Variants in KSR1 observed in about 807,000 individuals in gnomAD.
The protein encoded by KSR1 is kinase suppressor of ras.
Under a neutral mutation model 92.9 loss-of-function variants are expected in KSR1, and 35 were observed. The ratio of observed to expected loss-of-function variants is 0.38; its 90% CI spans 0.29 to 0.50. The LOEUF (loss-of-function observed/expected upper bound fraction) is 0.50, where lower values mean the gene tolerates loss of function less well. Among genes scored for constraint, KSR1 ranks in the 20% least tolerant of loss-of-function variants. The pLI is 0.94. For missense variants in KSR1, 972 were observed against 1,158.5 expected (o/e 0.84, Z 2.34); for synonymous variants, 467 against 472.6 (o/e 0.99, Z 0.15).
intron 18 of KSR1, among the ~76,000 whole-genome samples, chr17:27,616,010 C>T (rs919634211): frequency 1.3e-5 from 2 of 152,194 alleles, no homozygotes; most frequent in African/African-American, 4.8e-5. Context: ...CTATCTTACT[C>T]TTTCTGGAAG....
At chr17:27,484,747 G>C (rs950176747) in intron 1 of KSR1, among the ~76,000 whole-genome samples, 8 of 152,202 alleles carry the variant, frequency 5.3e-5, no homozygotes, top group Non-Finnish European at 1.2e-4. Context: ...TAGGGGTCAG[G>C]ATCTGCCTCT....
intron 1 of KSR1, among the ~76,000 whole-genome samples, chr17:27,475,470 G>A (rs989449664): frequency 6.6e-6 from 1 of 152,170 alleles, no homozygotes; most frequent in African/African-American, 2.4e-5. Flanking sequence ...GTGACAGAGC[G>A]CTGGCCCGGG....
chr17:27,521,014 G>C lies in KSR1; in HGVS notation c.232-29554G>C, dbSNP rs561013008. On this transcript the variant is annotated intron_variant, in intron 1 of 20. Coordinates refer to ENST00000644974, the MANE Select transcript of KSR1 (RefSeq NM_001394583.1). ...TTGGGCAGTCTGTGGAATGGGGCCC[G>C]GTCCTCAAGCACTTGTGGCTGTCAC... Among the ~76,000 whole-genome samples, 7 of 152,332 alleles carry C rather than the reference G, an allele frequency of 4.6e-5. No homozygotes were observed. In the South Asian group the frequency reaches 1.5e-3, roughly 32 times the overall value.
intron 5 of KSR1, 161 bp from the exon 6 acceptor site, chr17:27,588,314 C>G (rs1282330242): frequency 3.8e-6 from 2 of 527,830 alleles, no homozygotes; most frequent in African/African-American, 3.9e-5. Flanking sequence ...ACTGGGCTAG[C>G]CTGGCCTGCT....
intron 1 of KSR1, among the ~76,000 whole-genome samples, chr17:27,538,761 T>G (rs1048002730): frequency 1.3e-5 from 2 of 152,304 alleles, no homozygotes; most frequent in South Asian, 4.1e-4. Context: ...CCACAGGGTG[T>G]GGCGGTTCGG....
chr17:27,504,691 TC>T (rs1211741396), intron 1 of KSR1, among the ~76,000 whole-genome samples: 1 of 152,124 alleles, frequency 6.6e-6, no homozygotes, highest in Non-Finnish European at 1.5e-5. Flanking sequence ...TGAGAGGACA[TC>T]CCTGCCGCCA....
At chr17:27,500,378 G>A (rs2069135069) in intron 1 of KSR1, among the ~76,000 whole-genome samples, 1 of 152,152 alleles carries the variant, frequency 6.6e-6, no homozygotes. Flanking sequence ...AGTACTGACG[G>A]GATAGTGTAG....
intron 19 of KSR1, 89 bp downstream of exon 19, chr17:27,617,517 C>A: frequency 6.8e-7 from 1 of 1,464,308 alleles, no homozygotes; most frequent in Non-Finnish European, 9.2e-7. Flanking sequence ...TCTTTCTGCC[C>A]AAGACTTTGT....
At chr17:27,485,774 C>T (rs1445469888) in intron 1 of KSR1, among the ~76,000 whole-genome samples, 1 of 152,130 alleles carries the variant, frequency 6.6e-6, no homozygotes, top group Non-Finnish European at 1.5e-5. Flanking sequence ...TTGGAGCCAG[C>T]CAGACCTCAC....
chr17:27,530,321 A>T (rs1159663978), intron 1 of KSR1, among the ~76,000 whole-genome samples: 1 of 152,040 alleles, frequency 6.6e-6, no homozygotes, highest in Non-Finnish European at 1.5e-5. Flanking sequence ...TGTGTGTGGC[A>T]GTGGTCCCGG....
At chr17:27,532,910 G>A (rs1448843214) in intron 1 of KSR1, among the ~76,000 whole-genome samples, 1 of 152,186 alleles carries the variant, frequency 6.6e-6, no homozygotes, top group Non-Finnish European at 1.5e-5. Flanking sequence ...AAGCCTGGAG[G>A]GGCAGCGTGG....
intron 1 of KSR1, among the ~76,000 whole-genome samples, chr17:27,536,508 G>T (rs1307115493): frequency 6.6e-6 from 1 of 152,282 alleles, no homozygotes; most frequent in Non-Finnish European, 1.5e-5. Context: ...TTATCCACAC[G>T]CACTTCAGTC....
Position 27,591,132 on chromosome 17 carries a change from G to A in KSR1, c.1130+238G>A, listed in dbSNP as rs73983482. ...GAAAAGAGAATTCCAGGCCATGGGT[G>A]CATCTTGTACTAAGGCCTGGAGGAA... On this transcript the variant is annotated intron_variant, in intron 7 of 20. Transcript: ENST00000644974. Among the ~76,000 whole-genome samples, 189 of 152,328 alleles carry A rather than the reference G, an allele frequency of 1.2e-3. 1 individual carries two copies. The highest frequency in any genetic ancestry group is 4.3e-3 in the African/African-American group (178 of 41,570).
At chr17:27,593,501 G>A (rs906530648) in intron 9 of KSR1, among the ~76,000 whole-genome samples, 7 of 152,366 alleles carry the variant, frequency 4.6e-5, no homozygotes, top group Admixed American at 1.3e-4. Flanking sequence ...GGCTCAGGCC[G>A]GAAGAGAAAG....
At chr17:27,553,053 C>T (rs762820074) in intron 2 of KSR1, among the ~76,000 whole-genome samples, 27 of 152,290 alleles carry the variant, frequency 1.8e-4, no homozygotes, top group African/African-American at 4.3e-4. Context: ...GTGAGTCCTC[C>T]GTCTCAACCA....
intron 1 of KSR1, among the ~76,000 whole-genome samples, chr17:27,529,936 A>G (rs751326440): frequency 4.3e-4 from 66 of 152,166 alleles, no homozygotes; most frequent in Non-Finnish European, 7.5e-4. Context: ...TTAGGGTAGG[A>G]GATGGGTCAT....
intron 1 of KSR1, among the ~76,000 whole-genome samples, chr17:27,507,654 G>A (rs1313029877): frequency 6.9e-5 from 8 of 115,706 alleles, no homozygotes; most frequent in South Asian, 3.2e-4. Flanking sequence ...TTGGCTCACC[G>A]TAACCTCCAC....
At chr17:27,623,084 G>A (rs2074269459) in intron 20 of KSR1, 1 of 587,808 alleles carries the variant, frequency 1.7e-6, no homozygotes, top group Non-Finnish European at 3.0e-6. Context: ...CTTGGGACTT[G>A]GAGATGAATG....
At chr17:27,616,954 G>A (rs1465707849) in intron 18 of KSR1, among the ~76,000 whole-genome samples, 14 of 152,196 alleles carry the variant, frequency 9.2e-5, no homozygotes, top group African/African-American at 2.9e-4. Flanking sequence ...ACCTGTGAAC[G>A]TTGTACCTTG....
Sources: gnomAD v4.1 joint callset for allele counts (sites outside exome capture counted in the v4.1 genomes callset) on GRCh38, gnomAD v4.1.1 for gene constraint, MANE v1.5 for transcripts, NCBI Gene and HGNC (gene_info 2026-07-23, HGNC 2026-07-21) for gene names.